EXT2: variants seen among roughly 807,000 people sequenced by gnomAD.
EXT2 encodes exostosin-2.
EXT2 carries 53 observed loss-of-function variants against 81.6 expected under a neutral mutation model. The observed-to-expected ratio is 0.65, with a 90% confidence interval of 0.52 to 0.82. The LOEUF (loss-of-function observed/expected upper bound fraction) is 0.82, where lower values mean the gene tolerates loss of function less well. EXT2 is among the 40% of genes least tolerant of loss of function. EXT2 has a pLI of 0.00. For missense variants in EXT2, 774 were observed against 910.2 expected, an observed-to-expected ratio of 0.85 and a Z score of 1.93; for synonymous variants, 320 against 340.0, an observed-to-expected ratio of 0.94 and a Z score of 0.65.
chr11:44,161,777 T>C (rs1954931343), intron 7 of EXT2, among the ~76,000 whole-genome samples: 1 of 152,170 alleles, frequency 6.6e-6, no homozygotes, highest in Non-Finnish European at 1.5e-5. Flanking sequence ...TAATAAGTCA[T>C]ATTGGTAGCA....
At chr11:44,101,646 G>A (rs1031404741) in intron 1 of EXT2, among the ~76,000 whole-genome samples, 38 of 152,332 alleles carry the variant, frequency 2.5e-4, no homozygotes, top group Middle Eastern at 3.4e-3. Flanking sequence ...AATGCCCAGT[G>A]AGGGGACCTG....
chr11:44,238,706 T>A (rs895098759), intron 13 of EXT2, among the ~76,000 whole-genome samples: 5 of 152,210 alleles, frequency 3.3e-5, no homozygotes, highest in Non-Finnish European at 7.3e-5. Flanking sequence ...GAGGTGACAC[T>A]TGAAGTGATC....
chr11:44,152,666 AC>A (rs940345061), intron 7 of EXT2, among the ~76,000 whole-genome samples: 42 of 152,084 alleles, frequency 2.8e-4, no homozygotes, highest in African/African-American at 1.0e-3. Flanking sequence ...TTATAATTTT[AC>A]ATTTTATATT....
intron 9 of EXT2, among the ~76,000 whole-genome samples, chr11:44,206,174 T>G (rs1955580431): frequency 6.6e-6 from 1 of 152,194 alleles, no homozygotes; most frequent in African/African-American, 2.4e-5. Flanking sequence ...CTACACTCAT[T>G]CAATAAAACA....
At chr11:44,098,713 G>A (rs1407950701) in intron 1 of EXT2, among the ~76,000 whole-genome samples, 3 of 140,404 alleles carry the variant, frequency 2.1e-5, no homozygotes, top group African/African-American at 5.3e-5. Flanking sequence ...AAAAAAAAAA[G>A]CAGGGGTGGG....
intron 8 of EXT2, among the ~76,000 whole-genome samples, chr11:44,188,610 A>C (rs1955348859): frequency 6.6e-6 from 1 of 152,224 alleles, no homozygotes; most frequent in Non-Finnish European, 1.5e-5. Context: ...CTTATAAATT[A>C]AGTGTCTGAG....
At position 44,187,762 on chromosome 11, in the gene EXT2, G is replaced by A. The variant is rs578015017; in HGVS notation, c.1306-10067G>A. On this transcript the variant is annotated intron_variant, in intron 8 of 13. Transcript: ENST00000533608. ...TCCTTACAACAAAAGGTAGCATTCC[G>A]TTAGCTCTATTCTTACAGATGAAGG... Among the ~76,000 whole-genome samples the A allele has an allele frequency of 1.6e-3, 242 of 152,224 alleles. 3 individuals carry two copies. Among genetic ancestry groups the A allele is most frequent in the South Asian group, 0.016 (75 of 4,814 alleles).
chr11:44,148,065 G>A (rs1385146341), intron 7 of EXT2, among the ~76,000 whole-genome samples: 1 of 152,074 alleles, frequency 6.6e-6, no homozygotes, highest in Non-Finnish European at 1.5e-5. Flanking sequence ...CTTAGTGCAT[G>A]ACTTTGGATG....
At chr11:44,238,576 G>A (rs1486334795) in intron 13 of EXT2, among the ~76,000 whole-genome samples, 1 of 152,216 alleles carries the variant, frequency 6.6e-6, no homozygotes, top group Non-Finnish European at 1.5e-5. Flanking sequence ...AGTGTTACAT[G>A]TATATGTAAC....
intron 7 of EXT2, among the ~76,000 whole-genome samples, chr11:44,167,213 C>G (rs1322383031): frequency 6.6e-6 from 1 of 152,136 alleles, no homozygotes; most frequent in Non-Finnish European, 1.5e-5. Context: ...AGAAAGAAAA[C>G]CACAAGGAAG....
intron 6 of EXT2, 41 bp downstream of exon 6, chr11:44,126,996 G>A (rs1954417351): frequency 6.2e-7 from 1 of 1,611,170 alleles, no homozygotes; most frequent in Non-Finnish European, 8.5e-7. Context: ...TAGTGGTTCT[G>A]CGTATATTAC....
At chr11:44,099,248 C>T (rs1285641238) in intron 1 of EXT2, among the ~76,000 whole-genome samples, 4 of 152,222 alleles carry the variant, frequency 2.6e-5, no homozygotes, top group South Asian at 2.1e-4. Flanking sequence ...TGCAGTGGCG[C>T]GATCTCGGTT....
chr11:44,236,438 T>C, intron 13 of EXT2, 63 bp downstream of exon 13: 2 of 1,450,340 alleles, frequency 1.4e-6, no homozygotes, highest in Non-Finnish European at 1.9e-6. Context: ...GCCTTAGGCC[T>C]GTTTATGGGG....
intron 10 of EXT2, among the ~76,000 whole-genome samples, chr11:44,210,930 G>T (rs1432198439): frequency 1.3e-5 from 2 of 152,164 alleles, no homozygotes; most frequent in African/African-American, 4.8e-5. Flanking sequence ...AATCCCAGAA[G>T]TCTTTTTGTT....
At chr11:44,218,818 G>C (rs917341924) in intron 10 of EXT2, among the ~76,000 whole-genome samples, 1 of 64,946 alleles carries the variant, frequency 1.5e-5, no homozygotes, top group Non-Finnish European at 2.7e-5. Flanking sequence ...TTTTTTTTGA[G>C]ATGGAGTCTC....
chr11:44,107,981 G>A lies in EXT2; in HGVS notation c.269G>A (p.Cys90Tyr), dbSNP rs1954083269. The A allele has an allele frequency of 6.2e-7, 1 of 1,614,228 alleles. No homozygotes were observed. ...GATCTCAGTTGCAGAATGCACACGT[G>A]TTTTGATGTCTATCGCTGTGGCTTC... Reference protein sequence around the residue: ...RGDLSCRMHTCFDVYRCGFNP... With the variant: ...RGDLSCRMHTYFDVYRCGFNP... The change falls in exon 2 of 14, where the codon TGT (cysteine) becomes TAT (tyrosine). Residue 90 changes from cysteine to tyrosine, a missense_variant. This residue lies in a region of EXT2 where 626 missense variants were observed against 670.5 expected (regional missense o/e 0.93). Transcript: ENST00000533608.
chr11:44,211,757 A>T (rs556887551), intron 10 of EXT2, among the ~76,000 whole-genome samples: 1 of 152,348 alleles, frequency 6.6e-6, no homozygotes, highest in African/African-American at 2.4e-5. Context: ...ATATTGCTAG[A>T]AGAGTGGATT....
chr11:44,132,767 C>G (rs1954511777), intron 7 of EXT2, among the ~76,000 whole-genome samples: 1 of 152,134 alleles, frequency 6.6e-6, no homozygotes, highest in Non-Finnish European at 1.5e-5. Context: ...CTTTCTAACT[C>G]CCTTTTCCGC....
At chr11:44,127,083 A>G (rs1954418722) in intron 6 of EXT2, 128 bp downstream of exon 6, 6 of 1,278,500 alleles carry the variant, frequency 4.7e-6, no homozygotes, top group African/African-American at 2.9e-5. Flanking sequence ...TCTATTTTCC[A>G]TTAGGAGAGT....
Sources: gnomAD v4.1 joint callset for allele counts (sites outside exome capture counted in the v4.1 genomes callset) on GRCh38, gnomAD v4.1.1 for gene constraint, gnomAD v4.1.1 regional missense constraint, MANE v1.5 for transcripts, NCBI Gene and HGNC (gene_info 2026-07-23, HGNC 2026-07-21) for gene names.